SPTBN1: variants seen among roughly 807,000 people sequenced by gnomAD.
SPTBN1 encodes the protein spectrin beta chain, non-erythrocytic 1.
Under a neutral mutation model 266.4 loss-of-function variants are expected in SPTBN1, and 32 were observed. That is an observed-to-expected ratio of 0.12 (90% CI 0.09 to 0.16). The LOEUF (loss-of-function observed/expected upper bound fraction) is 0.16, where lower values mean the gene tolerates loss of function less well. SPTBN1 is among the 10% of genes least tolerant of loss of function. SPTBN1 has a pLI of 1.00. For missense variants in SPTBN1, 2,296 were observed against 3,067.1 expected (o/e 0.75, Z 5.94); for synonymous variants, 1,336 against 1,162.2 (o/e 1.15, Z -3.04).
intron 2 of SPTBN1, among the ~76,000 whole-genome samples, chr2:54,598,810 C>T (rs1431370920): frequency 6.6e-6 from 1 of 152,144 alleles, no homozygotes; most frequent in Non-Finnish European, 1.5e-5. Flanking sequence ...CCTGGGAGCT[C>T]ACATGTTTAA....
In SPTBN1 at chr2:54,533,230, G is replaced by A. The variant is rs906581391; in HGVS notation, c.148+6664G>A. 6.6e-6 allele frequency among the ~76,000 whole-genome samples: 1 copy of A among 152,092 alleles called. No homozygotes were observed. The highest frequency in any genetic ancestry group is 1.5e-5 in the Non-Finnish European group (1 of 68,028). On this transcript the variant is annotated intron_variant, in intron 2 of 35. Coordinates refer to ENST00000356805, the MANE Select transcript of SPTBN1 (RefSeq NM_003128.3). The surrounding 1 kb of genome is among the most constrained non-coding windows in gnomAD (Gnocchi z 4.2). ...AGATTTCATCACAGTGCTCAGGATG[G>A]CATGCAATTTAAAACGTATGAATTG... is the stretch of plus-strand genomic sequence containing the variant.
At chr2:54,514,409 A>T (rs1405177899) in intron 1 of SPTBN1, among the ~76,000 whole-genome samples, 1 of 152,210 alleles carries the variant, frequency 6.6e-6, no homozygotes, top group Non-Finnish European at 1.5e-5. Context: ...ATTAAGAAAA[A>T]AAAATGTGTC....
chr2:54,564,512 A>G (rs1251040368), intron 2 of SPTBN1, among the ~76,000 whole-genome samples: 5 of 152,174 alleles, frequency 3.3e-5, no homozygotes, highest in South Asian at 2.1e-4. Flanking sequence ...CCGTGCAAAC[A>G]TGTCTGGGAT....
chr2:54,561,548 A>G (rs1038623805), intron 2 of SPTBN1, among the ~76,000 whole-genome samples: 4 of 152,192 alleles, frequency 2.6e-5, no homozygotes, highest in Admixed American at 2.6e-4. Flanking sequence ...GTTACTTTCC[A>G]CACTGGGTCC....
chr2:54,644,718 C>G, intron 20 of SPTBN1, 132 bp downstream of exon 20: 2 of 1,185,912 alleles, frequency 1.7e-6, no homozygotes, highest in Non-Finnish European at 2.3e-6. Context: ...CAAAATATTA[C>G]TTGCTCTAAC....
intron 1 of SPTBN1, among the ~76,000 whole-genome samples, chr2:54,513,630 C>G (rs182333301): frequency 6.6e-6 from 1 of 152,264 alleles, no homozygotes; most frequent in East Asian, 1.9e-4. Context: ...TTTGTGGTGG[C>G]TAGAAACCCC....
intron 1 of SPTBN1, among the ~76,000 whole-genome samples, chr2:54,483,377 G>A (rs912015856): frequency 1.3e-5 from 2 of 152,202 alleles, no homozygotes; most frequent in Admixed American, 6.5e-5. Flanking sequence ...GTAGGGTCAC[G>A]GAAAAGCGAG....
intron 1 of SPTBN1, among the ~76,000 whole-genome samples, chr2:54,515,234 C>T (rs759240994): frequency 5.5e-4 from 84 of 152,190 alleles, no homozygotes; most frequent in Non-Finnish European, 1.0e-3. Flanking sequence ...ACTGCCAACT[C>T]AGTGGACCCC....
At chr2:54,469,976 C>T (rs1422829149) in intron 1 of SPTBN1, among the ~76,000 whole-genome samples, 3 of 152,186 alleles carry the variant, frequency 2.0e-5, no homozygotes, top group Non-Finnish European at 4.4e-5. Context: ...CTTTCATTCT[C>T]TGTTTCAAAG....
At chr2:54,484,099 T>C (rs1001731356) in intron 1 of SPTBN1, among the ~76,000 whole-genome samples, 2 of 152,100 alleles carry the variant, frequency 1.3e-5, no homozygotes, top group African/African-American at 4.8e-5. Context: ...GGTTGGAGGA[T>C]TACTTGAGCT....
chr2:54,465,638 T>TATATATATATATATATATATATA (rs1558748887), intron 1 of SPTBN1, among the ~76,000 whole-genome samples: 1 of 86,946 alleles, frequency 1.2e-5, no homozygotes, highest in African/African-American at 4.8e-5. Flanking sequence ...CATGTTTATC[T>TATATATATATATATATATATATA]CATATATATA....
chr2:54,601,140 A>G (rs1057506207), intron 3 of SPTBN1, among the ~76,000 whole-genome samples: 4 of 152,178 alleles, frequency 2.6e-5, no homozygotes, highest in Non-Finnish European at 5.9e-5. Flanking sequence ...AGAAGATGGT[A>G]CAGTGGCTAC....
chr2:54,557,768 C>T, intron 2 of SPTBN1: 9 of 985,454 alleles, frequency 9.1e-6, no homozygotes, highest in Non-Finnish European at 1.1e-5. Flanking sequence ...AGGAAACCAC[C>T]GCCTTCATAT....
intron 19 of SPTBN1, among the ~76,000 whole-genome samples, 198 bp downstream of exon 19, chr2:54,643,327 C>A (rs570938019): frequency 6.6e-6 from 1 of 152,256 alleles, no homozygotes; most frequent in South Asian, 2.1e-4. Context: ...GAAACCCAAC[C>A]AGTTAGTAGA....
chr2:54,477,520 G>A (rs1667897512), intron 1 of SPTBN1, among the ~76,000 whole-genome samples: 1 of 151,572 alleles, frequency 6.6e-6, no homozygotes, highest in African/African-American at 2.4e-5. Flanking sequence ...GTAAACAGGT[G>A]CGAAGGACAA....
At chr2:54,651,008 T>C (rs1293488428) in intron 26 of SPTBN1, among the ~76,000 whole-genome samples, 1 of 152,240 alleles carries the variant, frequency 6.6e-6, no homozygotes, top group Non-Finnish European at 1.5e-5. Context: ...TTAATTTACC[T>C]CTCTAAGCTT....
At position 54,644,414 on chromosome 2, in the gene SPTBN1, A is replaced by G. The variant is rs980299626; in HGVS notation, c.4097A>G (p.Glu1366Gly). ...TGLHKMWEVL[E>G]STTQTKAQRL... Reference sequence around the variant, plus strand: ...TTACATAAAATGTGGGAAGTCCTTGAATCCACTACCCAGACAAAGGCCCAG... The same window carrying G: ...TTACATAAAATGTGGGAAGTCCTTGGATCCACTACCCAGACAAAGGCCCAG... Residue 1366 changes from glutamate (E) to glycine (G), a missense_variant, in exon 20 of 36, where the codon GAA becomes GGA. This residue lies in a region of SPTBN1 where 386 missense variants were observed against 486.1 expected (regional missense o/e 0.79). Transcript: ENST00000356805. 6.8e-6 allele frequency: 11 copies of G among 1,614,136 alleles called. No individual in the cohort carries two copies. Among genetic ancestry groups the G allele is most frequent in the Non-Finnish European group, 8.5e-6 (10 of 1,180,050 alleles).
intron 35 of SPTBN1, 141 bp from the exon 36 acceptor site, chr2:54,668,210 A>T: frequency 2.8e-6 from 2 of 715,750 alleles, no homozygotes; most frequent in Non-Finnish European, 4.8e-6. Flanking sequence ...CTGATAAGGC[A>T]GAGGTGCATT....
intron 2 of SPTBN1, among the ~76,000 whole-genome samples, chr2:54,596,059 G>A (rs1286230122): frequency 3.3e-5 from 5 of 152,110 alleles, no homozygotes; most frequent in African/African-American, 9.7e-5. Context: ...GTTGCTTCAT[G>A]CTCATAGGCC....
Sources: allele counts gnomAD v4.1 joint callset (sites outside exome capture counted in the v4.1 genomes callset), GRCh38; gene constraint gnomAD v4.1.1; regional missense constraint gnomAD v4.1.1; non-coding constraint Gnocchi (gnomAD v3.1); transcripts MANE v1.5; gene names NCBI Gene and HGNC (gene_info 2026-07-23, HGNC 2026-07-21).